The following SLMAP variants were observed in gnomAD, a reference collection of about 807,000 sequenced individuals.
SLMAP encodes the protein sarcolemmal membrane-associated protein.
Under a neutral mutation model 128.8 loss-of-function variants are expected in SLMAP, and 44 were observed. The ratio of observed to expected loss-of-function variants is 0.34; its 90% CI spans 0.27 to 0.44. The LOEUF (loss-of-function observed/expected upper bound fraction) is 0.44, where lower values mean the gene tolerates loss of function less well. Ranked by LOEUF, SLMAP falls within the 20% of genes least tolerant of loss-of-function variation. The pLI is 1.00. For missense variants in SLMAP, 787 were observed against 985.3 expected, an observed-to-expected ratio of 0.80 and a Z score of 2.69; for synonymous variants, 327 against 348.8, an observed-to-expected ratio of 0.94 and a Z score of 0.70.
intron 4 of SLMAP, among the ~76,000 whole-genome samples, chr3:57,843,399 G>A (rs867426019): frequency 3.8e-5 from 5 of 133,318 alleles, no homozygotes; most frequent in Admixed American, 1.7e-4. Flanking sequence ...TCCACCTCCC[G>A]GGTTCAAGCA....
intron 4 of SLMAP, among the ~76,000 whole-genome samples, chr3:57,846,665 T>G (rs1163548825): frequency 6.6e-6 from 1 of 151,890 alleles, no homozygotes; most frequent in East Asian, 1.9e-4. Context: ...CAAGCGATTC[T>G]TATGCTTCAG....
rs2095239467 is a variant in SLMAP, at chr3:57,864,570, A to G, written c.989A>G (p.Glu330Gly). 5 of 1,574,258 alleles carry G rather than the reference A, an allele frequency of 3.2e-6. No homozygotes were observed. The highest frequency in any genetic ancestry group is 4.3e-6 in the Non-Finnish European group (5 of 1,169,684). Residue 330 changes from glutamate (E) to glycine (G), a missense_variant, in exon 11 of 25, where the codon GAA (glutamate) becomes GGA (glycine). Coordinates refer to ENST00000671191, the MANE Select transcript of SLMAP (RefSeq NM_001377540.1). ...KLKVAEGKQE[E>G]IQQKGQAEKK... ...TAGGTAGCAGAGGGAAAACAAGAGGAAATCCAACAGAAGGGACAGGCTGAG... is the reference window on the plus strand; with the variant it reads ...TAGGTAGCAGAGGGAAAACAAGAGGGAATCCAACAGAAGGGACAGGCTGAG...
chr3:57,814,891 G>A (rs2091626047), intron 2 of SLMAP, among the ~76,000 whole-genome samples: 1 of 152,126 alleles, frequency 6.6e-6, no homozygotes, highest in Admixed American at 6.5e-5. Context: ...GGGAGGCTGT[G>A]GTGGGAGGAT....
chr3:57,854,817 A>G (rs1380959623), intron 6 of SLMAP, among the ~76,000 whole-genome samples: 2 of 152,184 alleles, frequency 1.3e-5, no homozygotes, highest in South Asian at 2.1e-4. Flanking sequence ...GTATATATAC[A>G]CATGTATACA....
At chr3:57,789,596 A>G (rs1481496877) in intron 2 of SLMAP, among the ~76,000 whole-genome samples, 1 of 152,206 alleles carries the variant, frequency 6.6e-6, no homozygotes, top group African/African-American at 2.4e-5. Context: ...ACAAGGAAGT[A>G]CACAGATGAG....
At chr3:57,888,614 A>G (rs888121705) in intron 14 of SLMAP, among the ~76,000 whole-genome samples, 12 of 145,738 alleles carry the variant, frequency 8.2e-5, no homozygotes, top group African/African-American at 2.7e-4. Context: ...AGACTGTCTC[A>G]AAAAAAAAAA....
intron 14 of SLMAP, among the ~76,000 whole-genome samples, chr3:57,873,339 C>G (rs566428302): frequency 6.6e-6 from 1 of 151,906 alleles, no homozygotes; most frequent in Non-Finnish European, 1.5e-5. Flanking sequence ...CCCATCTCTA[C>G]TAATAATACA....
chr3:57,873,288 A>C (rs2095526623), intron 14 of SLMAP, among the ~76,000 whole-genome samples: 1 of 152,150 alleles, frequency 6.6e-6, no homozygotes, highest in Non-Finnish European at 1.5e-5. Context: ...GGATCACCTG[A>C]GGTCAGGAGT....
At chr3:57,772,297 A>G (rs936390472) in intron 2 of SLMAP, among the ~76,000 whole-genome samples, 1 of 152,224 alleles carries the variant, frequency 6.6e-6, no homozygotes, top group Non-Finnish European at 1.5e-5. Context: ...GTCTGGAAGA[A>G]CATTTTATCA....
rs528353708 is a variant in SLMAP at position 57,862,324 on chromosome 3, A to AAAAC, written c.966+258_966+261dup. 9.2e-5 allele frequency among the ~76,000 whole-genome samples: 14 copies of AAAAC among 151,860 alleles called. 1 individual carries two copies. The East Asian group carries it at 1.4e-3, about 15-fold the overall frequency. ...CAGAGCGATACTCCATCTCAAAGGAAAAACAAACAAACAAACAAACAAAAA... is the reference window on the plus strand; with the variant it reads ...CAGAGCGATACTCCATCTCAAAGGAAAAACAAACAAACAAACAAACAAACAAAAA... On this transcript the variant is annotated intron_variant, in intron 10 of 24. Transcript: ENST00000671191.
intron 2 of SLMAP, among the ~76,000 whole-genome samples, chr3:57,775,176 C>CG (rs2081588780): frequency 6.6e-6 from 1 of 151,432 alleles, no homozygotes; most frequent in African/African-American, 2.4e-5. Flanking sequence ...TGCCTCAGCC[C>CG]CCGAGTAGCT....
intron 2 of SLMAP, among the ~76,000 whole-genome samples, chr3:57,804,278 T>C (rs539778261): frequency 6.6e-6 from 1 of 152,350 alleles, no homozygotes; most frequent in East Asian, 1.9e-4. Context: ...ACATCATCCA[T>C]GCTTAAATGC....
chr3:57,764,511 AAG>A (rs1358113362), intron 2 of SLMAP, among the ~76,000 whole-genome samples: 6 of 150,920 alleles, frequency 4.0e-5, no homozygotes, highest in Admixed American at 6.6e-5. Flanking sequence ...CAAAAAAAAA[AAG>A]AAAAGAAAAG....
rs559172033 is a variant in SLMAP at position 57,862,839 on chromosome 3, G to T, written c.966+753G>T. On this transcript the variant is annotated intron_variant, in intron 10 of 24. Coordinates refer to ENST00000671191, the MANE Select transcript of SLMAP (RefSeq NM_001377540.1). ...TGAATAGTTATTGATGTAAAAATTT[G>T]GTAACAGTTGAAATTTATAGTGAAA... is the stretch of plus-strand genomic sequence containing the variant. Among the ~76,000 whole-genome samples the T allele has an allele frequency of 3.3e-5, 5 of 152,146 alleles. No homozygotes were observed. In the South Asian group the frequency reaches 1.0e-3, roughly 32 times the overall value.
intron 2 of SLMAP, among the ~76,000 whole-genome samples, chr3:57,789,301 G>T (rs2084928224): frequency 6.6e-6 from 1 of 152,156 alleles, no homozygotes; most frequent in South Asian, 2.1e-4. Flanking sequence ...GAGAGACTGG[G>T]CTCACTCTGA....
chr3:57,847,276 G>A (rs369314287), intron 5 of SLMAP, 43 bp downstream of exon 5: 13 of 1,482,874 alleles, frequency 8.8e-6, no homozygotes, highest in Non-Finnish European at 8.4e-6. Context: ...ACTCAGCTAT[G>A]TTGCTTTGAA....
At chr3:57,765,863 T>C (rs1235459312) in intron 2 of SLMAP, among the ~76,000 whole-genome samples, 1 of 152,216 alleles carries the variant, frequency 6.6e-6, no homozygotes, top group African/African-American at 2.4e-5. Flanking sequence ...ATAAAATATT[T>C]TATCTGTGAT....
At chr3:57,795,074 G>T (rs1447931004) in intron 2 of SLMAP, among the ~76,000 whole-genome samples, 3 of 151,972 alleles carry the variant, frequency 2.0e-5, no homozygotes, top group African/African-American at 7.3e-5. Context: ...TCTTAATGTT[G>T]GTCTTTTTTG....
At chr3:57,891,438 AATC>A (rs1370752455) in intron 15 of SLMAP, among the ~76,000 whole-genome samples, 1 of 152,214 alleles carries the variant, frequency 6.6e-6, no homozygotes, top group African/African-American at 2.4e-5. Context: ...ATAAAGATCA[AATC>A]AGGGTAATTA....
Sources: gnomAD v4.1 joint callset for allele counts (sites outside exome capture counted in the v4.1 genomes callset) on GRCh38, gnomAD v4.1.1 for gene constraint, MANE v1.5 for transcripts, NCBI Gene and HGNC (gene_info 2026-07-23, HGNC 2026-07-21) for gene names.